The following SPTAN1 variants were observed in gnomAD, a reference collection of about 807,000 sequenced individuals.
SPTAN1 encodes the protein spectrin alpha, non-erythrocytic 1.
SPTAN1 carries 61 observed loss-of-function variants against 331.3 expected under a neutral mutation model. The observed-to-expected ratio is 0.18, with a 90% CI of 0.15 to 0.23. The LOEUF (loss-of-function observed/expected upper bound fraction) is 0.23. SPTAN1 is among the 10% of genes least tolerant of loss of function. The pLI, the probability that SPTAN1 is intolerant of heterozygous loss-of-function variation, is 1.00. For synonymous variants in SPTAN1, 1,153 were observed against 1,173.9 expected (o/e 0.98, Z 0.36); for missense variants, 2,043 against 3,147.9 (o/e 0.65, Z 8.40).
chr9:128,591,926 T>G lies in SPTAN1; in HGVS notation c.3155+301T>G, dbSNP rs1365045351. On this transcript the variant is annotated intron_variant, in intron 22 of 56. Coordinates refer to ENST00000372739, the MANE Select transcript of SPTAN1 (RefSeq NM_001130438.3). Reference sequence around the variant, plus strand: ...TTTTTGAAATTGGATTTTCAGATACTCTACGCCCCTACAGCTCTGTCCACT... The same window carrying G: ...TTTTTGAAATTGGATTTTCAGATACGCTACGCCCCTACAGCTCTGTCCACT... Among the ~76,000 whole-genome samples, 4 of 152,350 alleles carry G rather than the reference T, an allele frequency of 2.6e-5. No individual in the cohort carries two copies. The East Asian group carries it at 5.8e-4, about 22-fold the overall frequency.
rs980430904 is a variant in SPTAN1, at chr9:128,572,132, T to G, written c.364-2543T>G. Among the ~76,000 whole-genome samples the G allele has an allele frequency of 2.0e-5, 3 of 152,344 alleles. No homozygotes were observed. In the East Asian group the frequency reaches 5.8e-4, roughly 29 times the overall value. ...GCCTCGGCCTCCCAAAGTGCTGGGATTACAGGCGTGAGCCACTGCACCCAG... is the reference window on the plus strand; with the variant it reads ...GCCTCGGCCTCCCAAAGTGCTGGGAGTACAGGCGTGAGCCACTGCACCCAG... On this transcript the variant is annotated intron_variant, in intron 3 of 56. Transcript: ENST00000372739.
Position 128,629,858 on chromosome 9 carries a change from C to G in SPTAN1, c.6708-463C>G, listed in dbSNP as rs757235715. On this transcript the variant is annotated intron_variant, in intron 51 of 56. Coordinates refer to ENST00000372739, the MANE Select transcript of SPTAN1 (RefSeq NM_001130438.3). This position sits in a 1 kb window ranked among gnomAD's most constrained non-coding sequence, Gnocchi z 4.9. ...CTCATTCCCCCTAGAATGGGGCTCC[C>G]TCCCTCAGGAACCTTGCCGGGACAC... 9 of 322,986 alleles carry G rather than the reference C, an allele frequency of 2.8e-5. No individual in the cohort carries two copies. The highest frequency in any genetic ancestry group is 1.1e-3 in the Middle Eastern group (1 of 900). 20.0% of individuals were successfully genotyped at this position (322,986 alleles called of 1,614,324 possible).
Position 128,632,974 on chromosome 9 carries a change from G to T in SPTAN1, c.7308+19G>T. On this transcript the variant is annotated intron_variant, in intron 56 of 56. Transcript: ENST00000372739. The stretch of plus-strand genomic sequence containing the variant: ...CTACCAGGTATGGGCCTCAGGAGGT[G>T]GGTGAAGAGGTGTCCTTTGGAAAAC... 6.2e-7 allele frequency: 1 copy of T among 1,609,516 alleles called. No homozygotes were observed. Among genetic ancestry groups the T allele is most frequent in the African/African-American group, 1.3e-5 (1 of 75,060 alleles).
At chr9:128,601,078 G>T (rs1387075065) in intron 27 of SPTAN1, among the ~76,000 whole-genome samples, 1 of 135,770 alleles carries the variant, frequency 7.4e-6, no homozygotes, top group Non-Finnish European at 1.5e-5. Flanking sequence ...CTGCTTCCCA[G>T]ATTCAAGCGA....
At position 128,568,645 on chromosome 9, in the gene SPTAN1, G is replaced by A. The variant is rs1850309993; in HGVS notation, c.238-127G>A. ...TTGAGCAGGTAAGAGAATGGGCAAG[G>A]TGCCAAATGATGTATCCCTAACTAG... On this transcript the variant is annotated intron_variant, in intron 2 of 56. Coordinates refer to ENST00000372739, the MANE Select transcript of SPTAN1 (RefSeq NM_001130438.3). 2.3e-5 allele frequency: 30 copies of A among 1,296,718 alleles called. 1 individual carries two copies. In the South Asian group the frequency reaches 3.7e-4, roughly 16 times the overall value. 80.3% of individuals were successfully genotyped at this position (1,296,718 alleles called of 1,614,324 possible). A position where few individuals can be genotyped will look rare whatever the true frequency, so the allele number is the denominator to read the frequency against.
At chr9:128,588,229 C>T (rs1331067352) in intron 20 of SPTAN1, among the ~76,000 whole-genome samples, 1 of 151,572 alleles carries the variant, frequency 6.6e-6, no homozygotes, top group Non-Finnish European at 1.5e-5. Flanking sequence ...AATTCCTGAC[C>T]TCATGATCTG....
rs745668882 is a variant in SPTAN1, at chr9:128,624,424, C to G, written c.5929C>G (p.Leu1977Val). 3.1e-6 allele frequency: 5 copies of G among 1,614,014 alleles called. No homozygotes were observed. Among genetic ancestry groups the G allele is most frequent in the Non-Finnish European group, 4.2e-6 (5 of 1,180,042 alleles). ...AGCTGCAGCCCAGAGAAAGGCGAAG[C>G]TGGATGAGAACTCGGCCTTCCTTCA... ...EKAAAQRKAK[L>V]DENSAFLQFN... is the part of the protein sequence containing the mutation. The change falls in exon 46 of 57, where the codon CTG becomes GTG. Residue 1977 changes from leucine (L) to valine (V), a missense_variant. Around this residue, in one of 12 missense-constraint regions of SPTAN1, gnomAD observed 323 missense variants for 581.1 expected, o/e 0.56. Transcript: ENST00000372739.
At chr9:128,562,990 G>GTATATATA (rs1379685400) in intron 1 of SPTAN1, among the ~76,000 whole-genome samples, 54 of 1,768 alleles carry the variant, frequency 0.031, no homozygotes, top group African/African-American at 0.04. Context: ...ATACATGTAT[G>GTATATATA]TGTATATATA....
At chr9:128,598,073 C>T (rs559113494) in intron 24 of SPTAN1, among the ~76,000 whole-genome samples, 2 of 152,308 alleles carry the variant, frequency 1.3e-5, no homozygotes, top group South Asian at 2.1e-4. Context: ...CTCAGCCTCC[C>T]GAGTAGCTGG....
chr9:128,626,527 A>G lies in SPTAN1; in HGVS notation c.6416A>G (p.Asp2139Gly). 6.2e-7 allele frequency: 1 copy of G among 1,614,082 alleles called. No individual in the cohort carries two copies. Among genetic ancestry groups the G allele is most frequent in the Non-Finnish European group, 8.5e-7 (1 of 1,180,008 alleles). ...ATCAAAGCTTTGCGCGAGGCCCACG[A>G]CGCCTTCCGCTCCTCCCTCAGCTCT... ...EEIKALREAH[D>G]AFRSSLSSAQ... The change falls in exon 49 of 57, where the codon GAC becomes GGC. Residue 2139 changes from aspartate (D) to glycine (G), a missense_variant. Coordinates refer to ENST00000372739, the MANE Select transcript of SPTAN1 (RefSeq NM_001130438.3).
chr9:128,559,971 G>T (rs1027910739), intron 1 of SPTAN1, among the ~76,000 whole-genome samples: 1 of 152,018 alleles, frequency 6.6e-6, no homozygotes, highest in Admixed American at 6.6e-5. Flanking sequence ...CTGACCTCAG[G>T]TGATCCACCC....
rs563559487 is a variant in SPTAN1 at position 128,628,487 on chromosome 9, G to A, written c.6707+545G>A. On this transcript the variant is annotated intron_variant, in intron 51 of 56. Coordinates refer to ENST00000372739, the MANE Select transcript of SPTAN1 (RefSeq NM_001130438.3). ...AACAAGACTGTCCGCCCTAATAGAA[G>A]GCAAAAATGCACCCGTTATGTGATA... 1.9e-5 allele frequency: 6 copies of A among 310,098 alleles called. No individual in the cohort carries two copies. In the East Asian group the frequency reaches 4.9e-4, roughly 25 times the overall value. 19.2% of individuals were successfully genotyped at this position (310,098 alleles called of 1,614,324 possible).
Position 128,583,779 on chromosome 9 carries a change from C to A in SPTAN1, c.2012-9C>A, listed in dbSNP as rs368330278. ...AGCAGTACAAAATTAAACTTGTTTT[C>A]TTCCATAGGAATAAAGCTTCGTGAA... On this transcript the variant is annotated splice_polypyrimidine_tract_variant and intron_variant, in intron 15 of 56. Transcript: ENST00000372739. 1 of 1,614,044 alleles carries A rather than the reference C, an allele frequency of 6.2e-7. No homozygotes were observed. Among genetic ancestry groups the A allele is most frequent in the Non-Finnish European group, 8.5e-7 (1 of 1,180,044 alleles).
Position 128,613,402 on chromosome 9 carries a change from G to A in SPTAN1, c.5065G>A (p.Glu1689Lys), listed in dbSNP as rs1307013962. The A allele has an allele frequency of 3.1e-6, 5 of 1,614,214 alleles. No individual in the cohort carries two copies. Among genetic ancestry groups the A allele is most frequent in the South Asian group, 1.1e-5 (1 of 91,084 alleles). ...LSEVEALLAS[E>K]DYGKDLASVN... is the part of the protein sequence containing the mutation. ...CCAGGTGGAGGCCCTGCTGGCATCC[G>A]AAGATTATGGCAAAGACCTAGCTTC... The change falls in exon 40 of 57, where the codon GAA becomes AAA. Residue 1689 changes from glutamate to lysine, a missense_variant. Glu to Lys is a moderately conservative substitution (Grantham distance 56). Around this residue, in one of 12 missense-constraint regions of SPTAN1, gnomAD observed 323 missense variants for 581.1 expected, o/e 0.56. Coordinates refer to ENST00000372739, the MANE Select transcript of SPTAN1 (RefSeq NM_001130438.3).
rs769690020 is a variant in SPTAN1, at chr9:128,588,958, G to A, written c.3006+15G>A. Reference sequence around the variant, plus strand: ...GCACCAACAAGGCAAGGCACAGAGAGTGGCTGTGTGTTTGTTCCACGCTGG... The same window carrying A: ...GCACCAACAAGGCAAGGCACAGAGAATGGCTGTGTGTTTGTTCCACGCTGG... On this transcript the variant is annotated intron_variant, in intron 21 of 56. Coordinates refer to ENST00000372739, the MANE Select transcript of SPTAN1 (RefSeq NM_001130438.3). The A allele has an allele frequency of 1.9e-6, 3 of 1,613,566 alleles. No homozygotes were observed. Among genetic ancestry groups the A allele is most frequent in the South Asian group, 1.1e-5 (1 of 91,034 alleles).
At chr9:128,581,978 A>T in intron 12 of SPTAN1, 86 bp downstream of exon 12, 2 of 1,036,594 alleles carry the variant, frequency 1.9e-6, no homozygotes, top group Middle Eastern at 2.0e-4. Context: ...AACAGATTTG[A>T]TGAAAGATTC....
At chr9:128,600,872 A>G (rs573559899) in intron 27 of SPTAN1, among the ~76,000 whole-genome samples, 2 of 150,834 alleles carry the variant, frequency 1.3e-5, no homozygotes, top group Non-Finnish European at 2.9e-5. Context: ...CATGTTGGCC[A>G]GGGTGGTCTT....
In SPTAN1 at chr9:128,618,060, C is replaced by T. The variant is rs11543347; in HGVS notation, c.5552C>T (p.Ala1851Val). ...AAAGAGGAGATCCAGCAGCGGCTGG[C>T]GCAGTTTGTGGAGCACTGGAAAGAG... is the stretch of plus-strand genomic sequence containing the variant. ...IGKEEIQQRL[A>V]QFVEHWKELK... Residue 1851 changes from alanine (A) to valine (V), a missense_variant, in exon 43 of 57, where the codon GCG becomes GTG. This residue lies in a region of SPTAN1 where 323 missense variants were observed against 581.1 expected (regional missense o/e 0.56). Transcript: ENST00000372739. 6.9e-4 allele frequency: 1,119 copies of T among 1,612,654 alleles called. 5 individuals carry two copies. The African/African-American group carries it at 0.012, about 17-fold the overall frequency.
intron 38 of SPTAN1, 36 bp from the exon 39 acceptor site, chr9:128,612,073 G>T (rs1728650321): frequency 6.2e-7 from 1 of 1,613,910 alleles, no homozygotes; most frequent in South Asian, 1.1e-5. Context: ...ATTCTTCATA[G>T]ATTTCATCTC....
Sources: gnomAD v4.1 joint callset for allele counts (sites outside exome capture counted in the v4.1 genomes callset) on GRCh38, gnomAD v4.1.1 for gene constraint, gnomAD v4.1.1 regional missense constraint, Gnocchi (gnomAD v3.1) non-coding constraint, MANE v1.5 for transcripts, NCBI Gene and HGNC (gene_info 2026-07-23, HGNC 2026-07-21) for gene names.